The following SCFD2 variants were observed in gnomAD, a reference collection of about 807,000 sequenced individuals.
SCFD2 encodes sec1 family domain containing 2.
SCFD2 carries 54 observed loss-of-function variants against 58.9 expected under a neutral mutation model. That is an observed-to-expected ratio of 0.92 (90% confidence interval 0.74 to 1.15). SCFD2 has a LOEUF of 1.15. Among genes scored for constraint, SCFD2 ranks in the 50% most tolerant of loss-of-function variants. SCFD2 has a pLI of 0.00. For synonymous variants in SCFD2, 321 were observed against 335.9 expected (o/e 0.96, Z 0.49); for missense variants, 805 against 836.6 (o/e 0.96, Z 0.47).
chr4:53,006,785 G>C (rs1246024599), intron 5 of SCFD2, among the ~76,000 whole-genome samples: 6 of 152,278 alleles, frequency 3.9e-5, no homozygotes, highest in Admixed American at 1.3e-4. Context: ...TTCATGCAGA[G>C]ATCCCAGACT....
chr4:53,215,679 T>C (rs1283808934), intron 4 of SCFD2, among the ~76,000 whole-genome samples: 1 of 152,160 alleles, frequency 6.6e-6, no homozygotes, highest in African/African-American at 2.4e-5. Flanking sequence ...CTTCCAAAAC[T>C]ATGTAAAACA....
At chr4:53,234,947 T>G (rs552414999) in intron 4 of SCFD2, among the ~76,000 whole-genome samples, 1 of 152,234 alleles carries the variant, frequency 6.6e-6, no homozygotes, top group African/African-American at 2.4e-5. Context: ...GGTATGGTGT[T>G]TCCACCATCA....
chr4:52,897,930 A>T (rs1381093880), intron 7 of SCFD2, among the ~76,000 whole-genome samples: 1 of 152,172 alleles, frequency 6.6e-6, no homozygotes. Context: ...TAGATTTTGT[A>T]GTTTATTTGC....
chr4:53,303,365 T>G (rs1732385372), intron 3 of SCFD2, among the ~76,000 whole-genome samples: 1 of 152,240 alleles, frequency 6.6e-6, no homozygotes, highest in South Asian at 2.1e-4. Context: ...TCATCATCAC[T>G]GGTCATCAGA....
rs545266726 is a variant in SCFD2 at position 52,994,552 on chromosome 4, G to C, written c.1562-73682C>G. ...GACACAGGGACCTTGTTTTAGAGATGAGTAAACCAAGGTATCAAATAGCCT... is the reference window on the plus strand; with the variant it reads ...GACACAGGGACCTTGTTTTAGAGATCAGTAAACCAAGGTATCAAATAGCCT... On this transcript the variant is annotated intron_variant, in intron 5 of 8. Coordinates refer to ENST00000401642, the MANE Select transcript of SCFD2 (RefSeq NM_152540.4). 1.1e-4 allele frequency among the ~76,000 whole-genome samples: 16 copies of C among 152,264 alleles called. No homozygotes were observed. In the East Asian group the frequency reaches 2.9e-3, roughly 28 times the overall value.
intron 4 of SCFD2, among the ~76,000 whole-genome samples, chr4:53,237,176 G>C (rs1292254746): frequency 6.7e-6 from 1 of 149,448 alleles, no homozygotes; most frequent in Admixed American, 6.7e-5. Flanking sequence ...AGATCAACAG[G>C]ATCCCAAGGC....
chr4:53,330,022 A>G (rs2149130312), intron 2 of SCFD2, among the ~76,000 whole-genome samples: 2 of 151,880 alleles, frequency 1.3e-5, no homozygotes, highest in Admixed American at 1.3e-4. Context: ...GAATGAAATG[A>G]AGCGAGAAGG....
chr4:53,233,160 GA>G (rs981550255), intron 4 of SCFD2, among the ~76,000 whole-genome samples: 1 of 149,544 alleles, frequency 6.7e-6, no homozygotes, highest in Admixed American at 6.6e-5. Context: ...ATGCTAAAAA[GA>G]AAAAAAAATC....
At chr4:53,287,412 C>A (rs974126543) in intron 3 of SCFD2, among the ~76,000 whole-genome samples, 6 of 152,208 alleles carry the variant, frequency 3.9e-5, no homozygotes, top group African/African-American at 1.4e-4. Flanking sequence ...GGAACCCTAA[C>A]CTACAGTGCC....
intron 2 of SCFD2, among the ~76,000 whole-genome samples, chr4:53,338,705 C>G (rs1410078856): frequency 6.7e-6 from 1 of 149,492 alleles, no homozygotes; most frequent in Non-Finnish European, 1.5e-5. Flanking sequence ...CTCAGCCTCC[C>G]GAGTAGCTGG....
chr4:53,292,280 G>A (rs1047301051), intron 3 of SCFD2, among the ~76,000 whole-genome samples: 1 of 152,042 alleles, frequency 6.6e-6, no homozygotes, highest in African/African-American at 2.4e-5. Flanking sequence ...CAGAATGAGA[G>A]AAAATTTTTG....
intron 5 of SCFD2, among the ~76,000 whole-genome samples, chr4:53,124,618 A>G (rs976439808): frequency 3.3e-5 from 5 of 152,200 alleles, no homozygotes; most frequent in African/African-American, 4.8e-5. Context: ...AGTTTTATAA[A>G]GAAAGAATAT....
chr4:52,914,853 A>G (rs1719565876), intron 6 of SCFD2, among the ~76,000 whole-genome samples: 1 of 152,160 alleles, frequency 6.6e-6, no homozygotes, highest in Admixed American at 6.5e-5. Flanking sequence ...CCTGTATGAG[A>G]GCCTCATGAG....
chr4:53,215,088 A>G (rs971229305), intron 4 of SCFD2, among the ~76,000 whole-genome samples: 2 of 152,116 alleles, frequency 1.3e-5, no homozygotes, highest in African/African-American at 4.8e-5. Context: ...AGGTAGCTTG[A>G]TGCCTCAAGC....
chr4:53,340,994 C>A (rs1205980164), intron 2 of SCFD2, among the ~76,000 whole-genome samples: 2 of 152,098 alleles, frequency 1.3e-5, no homozygotes, highest in Non-Finnish European at 2.9e-5. Flanking sequence ...GTAGATAAAA[C>A]CACAAAGATG....
intron 4 of SCFD2, among the ~76,000 whole-genome samples, chr4:53,176,868 G>A (rs1577805352): frequency 1.3e-5 from 2 of 149,276 alleles, no homozygotes; most frequent in East Asian, 4.0e-4. Flanking sequence ...AGAATCACTT[G>A]AACCCGGGAG....
At chr4:53,359,068 A>AAT (rs1162055826) in intron 1 of SCFD2, among the ~76,000 whole-genome samples, 3 of 152,254 alleles carry the variant, frequency 2.0e-5, no homozygotes, top group African/African-American at 7.2e-5. Flanking sequence ...ATAGGCACTC[A>AAT]ATAAATATTT....
At chr4:52,917,627 T>G (rs1429078674) in intron 6 of SCFD2, among the ~76,000 whole-genome samples, 1 of 152,138 alleles carries the variant, frequency 6.6e-6, no homozygotes, top group Non-Finnish European at 1.5e-5. Context: ...TGCCTCTTGA[T>G]CCCCATTGCC....
chr4:52,980,974 G>T (rs1721365033), intron 5 of SCFD2, among the ~76,000 whole-genome samples: 1 of 152,094 alleles, frequency 6.6e-6, no homozygotes, highest in Non-Finnish European at 1.5e-5. Context: ...AAGACACTCA[G>T]CAAAATGCAC....
Sources: allele counts gnomAD v4.1 joint callset (sites outside exome capture counted in the v4.1 genomes callset), GRCh38; gene constraint gnomAD v4.1.1; transcripts MANE v1.5; gene names NCBI Gene and HGNC (gene_info 2026-07-23, HGNC 2026-07-21).